The following AK9 variants were observed in gnomAD, a reference collection of about 807,000 sequenced individuals.
AK9 encodes the protein adenylate kinase 9, also known as adenylate kinase domain containing 1.
AK9 carries 191 observed loss-of-function variants against 239.6 expected under a neutral mutation model. That is an observed-to-expected ratio of 0.80 (90% confidence interval 0.71 to 0.90). AK9 has a LOEUF of 0.90. Among genes scored for constraint, AK9 ranks in the 40% least tolerant of loss-of-function variants. AK9 has a pLI of 0.00. For synonymous variants in AK9, 689 were observed against 721.0 expected (o/e 0.96, Z 0.71); for missense variants, 1,995 against 2,214.7 (o/e 0.90, Z 1.99).
At chr6:109,551,653 C>G (rs545816299) in intron 24 of AK9, among the ~76,000 whole-genome samples, 2 of 151,948 alleles carry the variant, frequency 1.3e-5, no homozygotes, top group Admixed American at 1.3e-4. Context: ...CCTCCCCCAC[C>G]TATTATTTTG....
chr6:109,593,433 G>A (rs1790559142), intron 17 of AK9, among the ~76,000 whole-genome samples: 2 of 152,006 alleles, frequency 1.3e-5, no homozygotes, highest in Admixed American at 1.3e-4. Context: ...TCTACCAGGG[G>A]TACAAAGAGG....
intron 20 of AK9, among the ~76,000 whole-genome samples, chr6:109,577,904 C>T (rs6902721): frequency 1.5e-5 from 2 of 137,218 alleles, no homozygotes; most frequent in East Asian, 4.2e-4. Flanking sequence ...CTCTCTTTCT[C>T]TCTTTCTTTC....
intron 17 of AK9, among the ~76,000 whole-genome samples, chr6:109,602,608 T>C (rs1792184813): frequency 6.6e-6 from 1 of 152,202 alleles, no homozygotes; most frequent in Non-Finnish European, 1.5e-5. Flanking sequence ...TTCCTGAATT[T>C]GAATGTTGGC....
At chr6:109,523,689 C>G (rs966134074) in intron 29 of AK9, among the ~76,000 whole-genome samples, 4 of 152,044 alleles carry the variant, frequency 2.6e-5, no homozygotes, top group Non-Finnish European at 5.9e-5. Flanking sequence ...GAGCCAAAAC[C>G]AGGGCCACTG....
intron 35 of AK9, 149 bp from the exon 36 acceptor site, chr6:109,499,389 C>T (rs907223660): frequency 1.9e-6 from 1 of 538,088 alleles, no homozygotes; most frequent in Non-Finnish European, 2.9e-6. Flanking sequence ...AGTTACTATT[C>T]ACATCTCCAT....
At chr6:109,559,039 A>AG (rs59099253) in intron 24 of AK9, among the ~76,000 whole-genome samples, 511 of 151,406 alleles carry the variant, frequency 3.4e-3, no homozygotes, top group African/African-American at 0.012. Context: ...TTCAATAGAG[A>AG]GGGGGGGTTC....
chr6:109,554,114 TG>T (rs1358027063), intron 24 of AK9, among the ~76,000 whole-genome samples: 2 of 152,188 alleles, frequency 1.3e-5, no homozygotes, highest in Non-Finnish European at 2.9e-5. Context: ...AGTATCTTAT[TG>T]AGGATTTTTG....
chr6:109,582,276 C>T (rs946159581), intron 19 of AK9, among the ~76,000 whole-genome samples: 5 of 152,146 alleles, frequency 3.3e-5, no homozygotes, highest in African/African-American at 1.2e-4. Context: ...CATAAGACTA[C>T]AGCTGTCATA....
chr6:109,676,367 T>C (rs1447769583), intron 1 of AK9, among the ~76,000 whole-genome samples: 1 of 152,154 alleles, frequency 6.6e-6, no homozygotes. Context: ...TATTTTAACA[T>C]GAACAGTTTT....
At chr6:109,608,554 T>C (rs1193197039) in intron 17 of AK9, among the ~76,000 whole-genome samples, 4 of 152,104 alleles carry the variant, frequency 2.6e-5, no homozygotes, top group Admixed American at 6.6e-5. Flanking sequence ...TTGAATATTG[T>C]TTTTGATACA....
At chr6:109,648,634 G>A (rs1040483817) in intron 8 of AK9, among the ~76,000 whole-genome samples, 153 of 152,246 alleles carry the variant, frequency 1.0e-3, no homozygotes, top group Non-Finnish European at 1.8e-3. Context: ...AGGACCAGAT[G>A]GATTCACAGC....
intron 17 of AK9, among the ~76,000 whole-genome samples, chr6:109,595,944 T>C (rs571714425): frequency 2.0e-5 from 3 of 152,156 alleles, no homozygotes; most frequent in South Asian, 4.1e-4. Context: ...GGCACGTGTA[T>C]ACCTATGTAA....
chr6:109,591,459 T>A (rs541719449), intron 17 of AK9, among the ~76,000 whole-genome samples: 15 of 152,248 alleles, frequency 9.9e-5, no homozygotes, highest in East Asian at 9.6e-4. Flanking sequence ...TTGGATTTTT[T>A]AAAAAAATCC....
intron 35 of AK9, among the ~76,000 whole-genome samples, chr6:109,500,726 C>A (rs1452228618): frequency 6.6e-6 from 1 of 152,130 alleles, no homozygotes; most frequent in East Asian, 1.9e-4. Flanking sequence ...TTTGGAAACG[C>A]ATCACACTCA....
chr6:109,676,594 T>A (rs976404296), intron 1 of AK9, among the ~76,000 whole-genome samples: 1 of 151,688 alleles, frequency 6.6e-6, no homozygotes, highest in African/African-American at 2.4e-5. Flanking sequence ...ATGAAAAAAA[T>A]AGTGATAAAA....
intron 17 of AK9, among the ~76,000 whole-genome samples, chr6:109,601,717 T>C (rs1214664501): frequency 2.0e-5 from 3 of 152,168 alleles, no homozygotes; most frequent in Non-Finnish European, 4.4e-5. Flanking sequence ...GGAGTCTAAG[T>C]CTCTTTGTAG....
intron 15 of AK9, among the ~76,000 whole-genome samples, 170 bp from the exon 16 acceptor site, chr6:109,612,263 T>C (rs1793664825): frequency 6.6e-6 from 1 of 152,128 alleles, no homozygotes; most frequent in South Asian, 2.1e-4. Context: ...CAGCAGATAA[T>C]GAACATAATA....
At chr6:109,681,891 G>A (rs188776765) in intron 1 of AK9, among the ~76,000 whole-genome samples, 18 of 152,158 alleles carry the variant, frequency 1.2e-4, no homozygotes, top group Non-Finnish European at 2.6e-4. Flanking sequence ...TGAAACCAAT[G>A]AGAATGAAGA....
chr6:109,534,068 G>A (rs1215323378), intron 27 of AK9, among the ~76,000 whole-genome samples: 4 of 151,872 alleles, frequency 2.6e-5, no homozygotes, highest in Non-Finnish European at 5.9e-5. Flanking sequence ...TGTAACTGAT[G>A]ACAATTGTTA....
Sources: gnomAD v4.1 joint callset for allele counts (sites outside exome capture counted in the v4.1 genomes callset) on GRCh38, gnomAD v4.1.1 for gene constraint, MANE v1.5 for transcripts, NCBI Gene and HGNC (gene_info 2026-07-23, HGNC 2026-07-21) for gene names.